RBFOX1: variants seen among roughly 807,000 people sequenced by gnomAD.
RBFOX1 encodes the protein RNA binding protein fox-1 homolog 1.
A neutral mutation model predicts 57.7 loss-of-function variants in RBFOX1; 8 were observed. That is an observed-to-expected ratio of 0.14 (90% CI 0.08 to 0.25). The LOEUF is 0.25. RBFOX1 is among the 10% of genes least tolerant of loss of function. The probability of loss-of-function intolerance (pLI) is 1.00; values close to 1 mark genes in which losing one functional copy is unlikely to be tolerated. For missense variants in RBFOX1, 611 were observed against 548.5 expected (o/e 1.11, Z -1.14); for synonymous variants, 326 against 222.4 (o/e 1.47, Z -4.15).
chr16:6,485,827 G>C (rs969795159), intron 2 of RBFOX1, among the ~76,000 whole-genome samples: 2 of 152,008 alleles, frequency 1.3e-5, no homozygotes, highest in Admixed American at 1.3e-4. Context: ...TCAAACTTCT[G>C]TTTTTCCTAT....
At chr16:6,856,913 GAA>G (rs938431908) in intron 3 of RBFOX1, among the ~76,000 whole-genome samples, 2 of 152,058 alleles carry the variant, frequency 1.3e-5, no homozygotes, top group Admixed American at 6.6e-5. Context: ...GGAAAAGAAA[GAA>G]AGAGAAAGAG....
At chr16:5,468,853 G>C (rs1212060601) in intron 2 of RBFOX1, among the ~76,000 whole-genome samples, 1 of 152,232 alleles carries the variant, frequency 6.6e-6, no homozygotes, top group Non-Finnish European at 1.5e-5. Context: ...GAGATCCTGG[G>C]AGATTGGATC....
chr16:6,228,379 G>A (rs1046781424), intron 1 of RBFOX1, among the ~76,000 whole-genome samples: 14 of 151,302 alleles, frequency 9.3e-5, no homozygotes, highest in African/African-American at 3.2e-4. Context: ...AACAACCTAA[G>A]TGTCCCTGAA....
At chr16:7,062,520 C>G (rs1004640180) in intron 4 of RBFOX1, among the ~76,000 whole-genome samples, 1 of 152,026 alleles carries the variant, frequency 6.6e-6, no homozygotes, top group African/African-American at 2.4e-5. Context: ...GACATTTCTG[C>G]CTATGGTAGC....
chr16:6,579,142 T>G (rs1475035730), intron 2 of RBFOX1, among the ~76,000 whole-genome samples: 1 of 152,202 alleles, frequency 6.6e-6, no homozygotes, highest in African/African-American at 2.4e-5. Context: ...TAGAGAAATT[T>G]TAATGTTTTA....
intron 3 of RBFOX1, among the ~76,000 whole-genome samples, chr16:6,942,128 A>G (rs141477492): frequency 6.6e-6 from 1 of 152,154 alleles, no homozygotes; most frequent in Non-Finnish European, 1.5e-5. Context: ...AATCCCAGCT[A>G]CTTGGGAGGC....
chr16:6,824,412 A>C (rs1339530939), intron 3 of RBFOX1, among the ~76,000 whole-genome samples: 1 of 152,192 alleles, frequency 6.6e-6, no homozygotes, highest in Non-Finnish European at 1.5e-5. Flanking sequence ...CATGTCAAAG[A>C]CTGTAAACAG....
At chr16:6,836,944 G>C (rs1460443800) in intron 3 of RBFOX1, among the ~76,000 whole-genome samples, 2 of 152,140 alleles carry the variant, frequency 1.3e-5, no homozygotes, top group Non-Finnish European at 2.9e-5. Context: ...TTCCATATCA[G>C]TAGAAGGGTG....
chr16:5,872,386 A>T (rs2057495335), intron 4 of RBFOX1, among the ~76,000 whole-genome samples: 1 of 152,210 alleles, frequency 6.6e-6, no homozygotes, highest in African/African-American at 2.4e-5. Flanking sequence ...ACAAAATGGG[A>T]ATGGTGAAAT....
At chr16:6,572,383 T>G (rs895827591) in intron 2 of RBFOX1, among the ~76,000 whole-genome samples, 1 of 152,204 alleles carries the variant, frequency 6.6e-6, no homozygotes, top group African/African-American at 2.4e-5. Flanking sequence ...GAAGAACGTT[T>G]TAAATCTACT....
chr16:7,136,839 G>T (rs957086614), intron 4 of RBFOX1, among the ~76,000 whole-genome samples: 3 of 152,202 alleles, frequency 2.0e-5, no homozygotes, highest in African/African-American at 7.2e-5. Flanking sequence ...TACCAGAGGG[G>T]TTAATGCTAC....
intron 4 of RBFOX1, among the ~76,000 whole-genome samples, chr16:7,496,434 T>G (rs1360225676): frequency 1.3e-5 from 2 of 152,200 alleles, no homozygotes; most frequent in Non-Finnish European, 2.9e-5. Context: ...TGAGCCACTG[T>G]GCCTGGCCAA....
intron 3 of RBFOX1, among the ~76,000 whole-genome samples, chr16:5,647,532 CT>C (rs2049092887): frequency 6.6e-6 from 1 of 151,934 alleles, no homozygotes; most frequent in South Asian, 2.1e-4. Flanking sequence ...ACAGTAGGCA[CT>C]GAGCAAATGT....
At chr16:7,192,677 C>G (rs544257366) in intron 4 of RBFOX1, among the ~76,000 whole-genome samples, 5 of 152,094 alleles carry the variant, frequency 3.3e-5, no homozygotes, top group Admixed American at 6.5e-5. Context: ...TTCCTGGTAC[C>G]CATCATTGTA....
intron 3 of RBFOX1, among the ~76,000 whole-genome samples, chr16:6,669,268 T>C (rs777180888): frequency 2.0e-5 from 3 of 152,190 alleles, no homozygotes; most frequent in Non-Finnish European, 4.4e-5. Flanking sequence ...CCCGTGTGTG[T>C]GCGTTTGTCT....
chr16:5,386,848 G>T (rs1596784337), intron 1 of RBFOX1, among the ~76,000 whole-genome samples: 1 of 152,056 alleles, frequency 6.6e-6, no homozygotes. Context: ...GTCAGGAGTT[G>T]GAGACCAGCC....
At chr16:5,569,569 T>C (rs1039375934) in intron 2 of RBFOX1, among the ~76,000 whole-genome samples, 9 of 147,954 alleles carry the variant, frequency 6.1e-5, no homozygotes, top group African/African-American at 2.2e-4. Flanking sequence ...GGTGGATACA[T>C]ACCATCCCCA....
At chr16:6,704,369 A>C (rs1408626963) in intron 3 of RBFOX1, 1 of 152,266 alleles carries the variant, frequency 6.6e-6, no homozygotes, top group Non-Finnish European at 1.5e-5. Context: ...ACGACCCTGC[A>C]GCCAAACCTA....
rs201216251 is a variant in RBFOX1, at chr16:7,646,495, TC to T, written c.758-7318del. On this transcript the variant is annotated intron_variant, in intron 11 of 15. Transcript: ENST00000550418. ...TGAATCTCTCTCCATCTTAAAACCTTCCAAGGCTGGGGAAATGTGTCATTAT... is the reference window on the plus strand; with the variant it reads ...TGAATCTCTCTCCATCTTAAAACCTTCAAGGCTGGGGAAATGTGTCATTAT... Among the ~76,000 whole-genome samples, 10 of 152,294 alleles carry T rather than the reference TC, an allele frequency of 6.6e-5. No homozygotes were observed. In the East Asian group the frequency reaches 1.9e-3, roughly 29 times the overall value.
Sources: allele counts gnomAD v4.1 joint callset (sites outside exome capture counted in the v4.1 genomes callset), GRCh38; gene constraint gnomAD v4.1.1; transcripts MANE v1.5; gene names NCBI Gene and HGNC (gene_info 2026-07-23, HGNC 2026-07-21).